The following ITPKB variants were observed in gnomAD, a reference collection of about 807,000 sequenced individuals.
ITPKB encodes the protein IP3 3-kinase B.
A neutral mutation model predicts 69.4 loss-of-function variants in ITPKB; 13 were observed. The observed-to-expected ratio is 0.19, with a 90% confidence interval of 0.12 to 0.30. ITPKB has a LOEUF of 0.30. ITPKB is among the 10% of genes least tolerant of loss of function. ITPKB has a pLI of 1.00. For missense variants in ITPKB, 1,240 were observed against 1,250.5 expected (o/e 0.99, Z 0.13); for synonymous variants, 584 against 513.7 (o/e 1.14, Z -1.85).
In ITPKB at chr1:226,736,398, G is replaced by A; in HGVS notation, c.1061C>T (p.Thr354Ile). 1.2e-6 allele frequency: 2 copies of A among 1,612,488 alleles called. No homozygotes were observed. Among genetic ancestry groups the A allele is most frequent in the Non-Finnish European group, 1.7e-6 (2 of 1,179,984 alleles). The change falls in exon 2 of 8, where the codon ACA (threonine) becomes ATA (isoleucine). Residue 354 changes from threonine to isoleucine, a missense_variant. This residue lies in a region of ITPKB where 992 missense variants were observed against 853.8 expected (regional missense o/e 1.16). Transcript: ENST00000429204. ...CCCGCCCCTTTCTGGGGCTGGGCTTGTCTCACTGCCCAGAAACTGCCCCTG... is the reference window on the plus strand; with the variant it reads ...CCCGCCCCTTTCTGGGGCTGGGCTTATCTCACTGCCCAGAAACTGCCCCTG... ...ERQGQFLGSE[T>I]SPAPERGGPR...
chr1:226,714,016 A>G (rs1348754476), intron 2 of ITPKB, among the ~76,000 whole-genome samples: 1 of 152,166 alleles, frequency 6.6e-6, no homozygotes, highest in African/African-American at 2.4e-5. Flanking sequence ...CTTGAAAGCC[A>G]AGCTAGGAGG....
chr1:226,669,079 T>C (rs1186222414), intron 2 of ITPKB: 2 of 152,214 alleles, frequency 1.3e-5, no homozygotes, highest in African/African-American at 2.4e-5. Flanking sequence ...TTCTTAATTA[T>C]TGAAATAATT....
intron 4 of ITPKB, among the ~76,000 whole-genome samples, chr1:226,646,383 G>A (rs970291506): frequency 1.3e-5 from 2 of 152,172 alleles, no homozygotes; most frequent in East Asian, 1.9e-4. Context: ...AAACCCGGCT[G>A]CCTAAAACTG....
chr1:226,648,843 G>C, intron 2 of ITPKB, 72 bp from the exon 3 acceptor site: 1 of 1,077,820 alleles, frequency 9.3e-7, no homozygotes, highest in South Asian at 1.3e-5. Flanking sequence ...CAAATTCAAA[G>C]CAAAGGCCCT....
chr1:226,719,446 C>A (rs1657174988), intron 2 of ITPKB, among the ~76,000 whole-genome samples: 1 of 152,224 alleles, frequency 6.6e-6, no homozygotes, highest in Non-Finnish European at 1.5e-5. Context: ...CACTTGGTGA[C>A]CGCAGCTGTG....
chr1:226,724,861 G>A (rs1571876707), intron 2 of ITPKB, among the ~76,000 whole-genome samples: 1 of 152,320 alleles, frequency 6.6e-6, no homozygotes, highest in Non-Finnish European at 1.5e-5. Context: ...ATCAATTTGT[G>A]CAGAATCCAA....
chr1:226,715,355 G>A (rs778763453), intron 2 of ITPKB, among the ~76,000 whole-genome samples: 1 of 152,216 alleles, frequency 6.6e-6, no homozygotes, highest in Non-Finnish European at 1.5e-5. Context: ...AGGCCTGTGC[G>A]TGCATTCTCT....
intron 2 of ITPKB, among the ~76,000 whole-genome samples, chr1:226,727,714 C>T (rs1657467106): frequency 1.3e-5 from 2 of 152,136 alleles, no homozygotes; most frequent in Admixed American, 1.3e-4. Context: ...AAAAGCACCT[C>T]GTTTGCACCC....
chr1:226,723,596 T>C (rs75383379), intron 2 of ITPKB, among the ~76,000 whole-genome samples: 3 of 152,020 alleles, frequency 2.0e-5, no homozygotes, highest in East Asian at 3.9e-4. Context: ...TAGAGAGATA[T>C]ATATGTATAT....
chr1:226,656,201 C>G (rs994516558), intron 2 of ITPKB, among the ~76,000 whole-genome samples: 5 of 152,200 alleles, frequency 3.3e-5, no homozygotes, highest in African/African-American at 1.2e-4. Context: ...CAGTTCTTCT[C>G]TTTAACACAA....
At chr1:226,697,840 C>A (rs1388636899) in intron 2 of ITPKB, among the ~76,000 whole-genome samples, 2 of 152,216 alleles carry the variant, frequency 1.3e-5, no homozygotes, top group African/African-American at 2.4e-5. Context: ...CCTGCCCTGG[C>A]AGATGTGCCC....
At chr1:226,695,456 G>A (rs746469391) in intron 2 of ITPKB, among the ~76,000 whole-genome samples, 1 of 152,128 alleles carries the variant, frequency 6.6e-6, no homozygotes, top group African/African-American at 2.4e-5. Context: ...TTGGCAAAGG[G>A]GGTTGGTTAA....
intron 2 of ITPKB, among the ~76,000 whole-genome samples, chr1:226,651,790 G>C (rs1035798602): frequency 6.6e-6 from 1 of 152,182 alleles, no homozygotes; most frequent in Admixed American, 6.5e-5. Flanking sequence ...AGGAGGGGGT[G>C]CTCCAGGGTG....
intron 6 of ITPKB, 55 bp downstream of exon 6, chr1:226,639,502 C>T: frequency 8.5e-7 from 1 of 1,182,066 alleles, no homozygotes; most frequent in Non-Finnish European, 1.3e-6. Context: ...AGAGTAGACA[C>T]AGTTGTCCCT....
At chr1:226,679,437 G>A (rs539813781) in intron 2 of ITPKB, among the ~76,000 whole-genome samples, 1 of 149,744 alleles carries the variant, frequency 6.7e-6, no homozygotes, top group African/African-American at 2.4e-5. Flanking sequence ...CAAGAAAGTT[G>A]TGTCACTTCT....
chr1:226,718,487 G>A (rs1303337009), intron 2 of ITPKB, among the ~76,000 whole-genome samples: 3 of 152,042 alleles, frequency 2.0e-5, no homozygotes, highest in East Asian at 1.9e-4. Context: ...CCTATAAATC[G>A]CTACTTGGGA....
intron 2 of ITPKB, among the ~76,000 whole-genome samples, chr1:226,686,458 TGGGGAAATG>T: frequency 6.6e-6 from 1 of 152,324 alleles, no homozygotes; most frequent in East Asian, 1.9e-4. Flanking sequence ...GTTTGACCTT[TGGGGAAATG>T]GGGGAAATTC....
chr1:226,658,966 T>C (rs765176315), intron 2 of ITPKB, among the ~76,000 whole-genome samples: 2 of 152,120 alleles, frequency 1.3e-5, no homozygotes, highest in Non-Finnish European at 2.9e-5. Flanking sequence ...CCACACCCAA[T>C]CAGGCTGCGA....
intron 2 of ITPKB, 81 bp downstream of exon 2, chr1:226,735,445 GT>G (rs11337528): frequency 0.29 from 404,361 of 1,400,046 alleles, 60,246 homozygotes; most frequent in Admixed American, 0.39. Flanking sequence ...TGTGTAGAAA[GT>G]TAAGAAAAAG....
Sources: allele counts gnomAD v4.1 joint callset (sites outside exome capture counted in the v4.1 genomes callset), GRCh38; gene constraint gnomAD v4.1.1; regional missense constraint gnomAD v4.1.1; transcripts MANE v1.5; gene names NCBI Gene and HGNC (gene_info 2026-07-23, HGNC 2026-07-21).